Variants in TBCEL observed in about 807,000 individuals in gnomAD.
The protein encoded by TBCEL is tubulin-specific chaperone cofactor E-like protein.
TBCEL carries 15 observed loss-of-function variants against 44.2 expected under a neutral mutation model. That is an observed-to-expected ratio of 0.34 (90% confidence interval 0.23 to 0.52). The LOEUF (loss-of-function observed/expected upper bound fraction) is 0.52. TBCEL is among the 20% of genes least tolerant of loss of function. The probability of loss-of-function intolerance (pLI) is 0.95; values close to 1 mark genes in which losing one functional copy is unlikely to be tolerated. For missense variants in TBCEL, 319 were observed against 506.3 expected, an observed-to-expected ratio of 0.63 and a Z score of 3.55; for synonymous variants, 171 against 185.4, an observed-to-expected ratio of 0.92 and a Z score of 0.63.
At chr11:121,061,714 T>C (rs942826861) in intron 8 of TBCEL, among the ~76,000 whole-genome samples, 2 of 152,094 alleles carry the variant, frequency 1.3e-5, no homozygotes, top group Non-Finnish European at 2.9e-5. Context: ...AAAACTGCTA[T>C]ACCTGTCTAG....
chr11:121,029,557 T>C (rs972689636), intron 1 of TBCEL, among the ~76,000 whole-genome samples: 1 of 152,236 alleles, frequency 6.6e-6, no homozygotes, highest in African/African-American at 2.4e-5. Context: ...ATAAGTGAAC[T>C]CAGAACTAAC....
chr11:121,049,064 T>C (rs1945483943), intron 4 of TBCEL, among the ~76,000 whole-genome samples: 1 of 151,942 alleles, frequency 6.6e-6, no homozygotes, highest in South Asian at 2.1e-4. Flanking sequence ...TAATAGACTA[T>C]GAGCTTATTC....
At chr11:121,071,416 T>C (rs1565504278) in intron 8 of TBCEL, among the ~76,000 whole-genome samples, 1 of 152,212 alleles carries the variant, frequency 6.6e-6, no homozygotes. Context: ...TTTCAGACTT[T>C]AAAATTTTGC....
At chr11:121,070,296 G>A (rs182132725) in intron 8 of TBCEL, among the ~76,000 whole-genome samples, 36 of 152,296 alleles carry the variant, frequency 2.4e-4, no homozygotes, top group Admixed American at 5.2e-4. Flanking sequence ...ACAGTGTGGC[G>A]ATTCCTCAAG....
rs556998901 is a variant in TBCEL at position 121,059,984 on chromosome 11, C to T, written c.855C>T (p.Ser285=). The T allele has an allele frequency of 3.7e-6, 6 of 1,609,546 alleles. No individual in the cohort carries two copies. Among genetic ancestry groups the T allele is most frequent in the Admixed American group, 3.4e-5 (2 of 59,678 alleles). Reference sequence around the variant, plus strand: ...TAACTTATAGATTGCCATCAGTTTCCAAACTTAATGGCAGCGTTGTTACTG... The same window carrying T: ...TAACTTATAGATTGCCATCAGTTTCTAAACTTAATGGCAGCGTTGTTACTG... ...KLVIARLPSV[S]KLNGSVVTDG... The change falls in exon 8 of 9, where the codon TCC becomes TCT. Residue 285 remains serine (S), a synonymous_variant. Transcript: ENST00000683345.
chr11:121,087,197 T>A lies in TBCEL; in HGVS notation c.*101T>A. On this transcript the variant is annotated 3_prime_UTR_variant, in exon 9 of 9. Coordinates refer to ENST00000683345, the MANE Select transcript of TBCEL (RefSeq NM_001363644.2). ...GGAGGGAGAGGTTGTTTTTGTTTTGTTTTGTTCTGTTTAGGTTTGGGAAGG... is the reference window on the plus strand; with the variant it reads ...GGAGGGAGAGGTTGTTTTTGTTTTGATTTGTTCTGTTTAGGTTTGGGAAGG... 8.2e-7 allele frequency: 1 copy of A among 1,216,716 alleles called. No homozygotes were observed. 75.4% of individuals were successfully genotyped at this position (1,216,716 alleles called of 1,614,324 possible).
intron 8 of TBCEL, among the ~76,000 whole-genome samples, chr11:121,081,198 A>T (rs2135015179): frequency 6.6e-6 from 1 of 152,208 alleles, no homozygotes; most frequent in East Asian, 1.9e-4. Context: ...GTTTCCATTT[A>T]TCACTCTCAG....
chr11:121,084,445 T>C (rs1318489813), intron 8 of TBCEL, among the ~76,000 whole-genome samples: 1 of 152,186 alleles, frequency 6.6e-6, no homozygotes, highest in East Asian at 1.9e-4. Context: ...TGTGTTTTCT[T>C]TCAAATTGAG....
intron 4 of TBCEL, 115 bp downstream of exon 4, chr11:121,047,782 C>A: frequency 1.5e-6 from 2 of 1,296,770 alleles, no homozygotes; most frequent in Non-Finnish European, 2.1e-6. Context: ...TGTATGACTT[C>A]TTGTTGTCTG....
intron 2 of TBCEL, among the ~76,000 whole-genome samples, chr11:121,043,786 T>C (rs1195760492): frequency 1.3e-5 from 2 of 152,166 alleles, no homozygotes. Context: ...CTGTTTCCTC[T>C]GCCTGTCCCT....
intron 8 of TBCEL, 53 bp from the exon 9 acceptor site, chr11:121,086,725 A>G (rs1565509784): frequency 4.4e-6 from 6 of 1,365,446 alleles, no homozygotes; most frequent in African/African-American, 2.9e-5. Context: ...GAAGAAGTCC[A>G]CAGTACATGT....
chr11:121,046,869 CT>C (rs1228256691), intron 3 of TBCEL, among the ~76,000 whole-genome samples: 2 of 152,050 alleles, frequency 1.3e-5, no homozygotes, highest in Non-Finnish European at 2.9e-5. Context: ...GACTGAAACA[CT>C]TTCTTCCATT....
intron 8 of TBCEL, among the ~76,000 whole-genome samples, chr11:121,078,300 T>C (rs1251613183): frequency 6.6e-6 from 1 of 152,204 alleles, no homozygotes; most frequent in Non-Finnish European, 1.5e-5. Context: ...TGTGTACATA[T>C]CTGTTTTTAG....
At chr11:121,048,373 T>G (rs1482429783) in intron 4 of TBCEL, among the ~76,000 whole-genome samples, 1 of 151,922 alleles carries the variant, frequency 6.6e-6, no homozygotes, top group Non-Finnish European at 1.5e-5. Context: ...ACACATAGTT[T>G]GTAAAAGTAC....
intron 8 of TBCEL, among the ~76,000 whole-genome samples, chr11:121,083,009 A>G (rs746865053): frequency 6.6e-6 from 1 of 152,160 alleles, no homozygotes. Context: ...TATCTACTAG[A>G]TCTACTGCCT....
chr11:121,086,360 G>A (rs752462762), intron 8 of TBCEL, among the ~76,000 whole-genome samples: 2 of 152,142 alleles, frequency 1.3e-5, no homozygotes, highest in Non-Finnish European at 2.9e-5. Flanking sequence ...GCTTCTCCAG[G>A]CCTCAGAAAC....
intron 8 of TBCEL, among the ~76,000 whole-genome samples, chr11:121,072,591 T>G (rs1945955879): frequency 6.6e-6 from 1 of 152,190 alleles, no homozygotes; most frequent in South Asian, 2.1e-4. Flanking sequence ...ATTTTATATC[T>G]CCATTAAAAC....
chr11:121,086,981 A>G lies in TBCEL; in HGVS notation c.1160A>G (p.Tyr387Cys), dbSNP rs750058163. 4 of 1,614,084 alleles carry G rather than the reference A, an allele frequency of 2.5e-6. No homozygotes were observed. Among genetic ancestry groups the G allele is most frequent in the Non-Finnish European group, 3.4e-6 (4 of 1,179,996 alleles). Residue 387 changes from tyrosine to cysteine, a missense_variant, in exon 9 of 9, where the codon TAT becomes TGT. Transcript: ENST00000683345. The part of the protein sequence containing the change: ...QLPTSNMLLY[Y>C]FDHEAPFGPE... ...CCCACAAGCAACATGCTTCTCTACT[A>G]TTTTGACCATGAAGCACCCTTTGGC...
At chr11:121,078,914 G>A (rs1439891681) in intron 8 of TBCEL, among the ~76,000 whole-genome samples, 2 of 152,078 alleles carry the variant, frequency 1.3e-5, no homozygotes, top group African/African-American at 4.8e-5. Flanking sequence ...TATGTTTGGA[G>A]CAAAAGTGCA....
Sources: allele counts gnomAD v4.1 joint callset (sites outside exome capture counted in the v4.1 genomes callset), GRCh38; gene constraint gnomAD v4.1.1; transcripts MANE v1.5; gene names NCBI Gene and HGNC (gene_info 2026-07-23, HGNC 2026-07-21).